Variants in NSD3 observed in about 807,000 individuals in gnomAD.
The protein encoded by NSD3 is histone-lysine N-methyltransferase NSD3.
A neutral mutation model predicts 160.8 loss-of-function variants in NSD3; 24 were observed. The observed-to-expected ratio is 0.15, with a 90% CI of 0.11 to 0.21. NSD3 has a LOEUF of 0.21. Among genes scored for constraint, NSD3 ranks in the 10% least tolerant of loss-of-function variants. NSD3 has a pLI of 1.00. For missense variants in NSD3, 1,157 were observed against 1,735.9 expected (o/e 0.67, Z 5.93); for synonymous variants, 520 against 600.0 (o/e 0.87, Z 1.95).
chr8:38,336,521 A>G (rs1017593285), intron 4 of NSD3, among the ~76,000 whole-genome samples: 3 of 152,170 alleles, frequency 2.0e-5, no homozygotes, highest in Non-Finnish European at 2.9e-5. Context: ...TAGAGGAAAA[A>G]AAAGCATCCT....
chr8:38,300,208 C>A (rs1427800363), intron 14 of NSD3, among the ~76,000 whole-genome samples: 1 of 152,088 alleles, frequency 6.6e-6, no homozygotes, highest in Admixed American at 6.6e-5. Context: ...GTCACTCAGA[C>A]TGGAGGGTAG....
At chr8:38,281,049 C>T (rs1808722253) in intron 20 of NSD3, among the ~76,000 whole-genome samples, 1 of 152,168 alleles carries the variant, frequency 6.6e-6, no homozygotes, top group Non-Finnish European at 1.5e-5. Flanking sequence ...AGCCACCATG[C>T]CCTGCCGAAA....
intron 1 of NSD3, among the ~76,000 whole-genome samples, chr8:38,356,677 T>C (rs1401831474): frequency 6.6e-6 from 1 of 152,252 alleles, no homozygotes; most frequent in Admixed American, 6.5e-5. Context: ...TAAGTCACTA[T>C]AACAAATTCA....
chr8:38,290,994 C>A (rs1344734964), intron 16 of NSD3, among the ~76,000 whole-genome samples: 2 of 151,964 alleles, frequency 1.3e-5, no homozygotes, highest in African/African-American at 4.8e-5. Flanking sequence ...TAATTTCAAT[C>A]CTAGAAAAGT....
intron 7 of NSD3, among the ~76,000 whole-genome samples, chr8:38,322,150 T>C (rs146251430): frequency 5.3e-5 from 8 of 152,360 alleles, no homozygotes; most frequent in African/African-American, 1.7e-4. Flanking sequence ...GCCTTTCATA[T>C]AACCTTTATA....
Position 38,339,724 on chromosome 8 carries a change from C to CAA in NSD3, c.676-1119_676-1118dup, listed in dbSNP as rs1232259132. 5.4e-4 allele frequency among the ~76,000 whole-genome samples: 58 copies of CAA among 107,222 alleles called. 1 individual carries two copies. Among genetic ancestry groups the CAA allele is most frequent in the African/African-American group, 1.6e-3 (47 of 28,572 alleles). 70.3% of individuals were successfully genotyped at this position (107,222 alleles called of 152,430 possible). On this transcript the variant is annotated intron_variant, in intron 2 of 23. Coordinates refer to ENST00000317025, the MANE Select transcript of NSD3 (RefSeq NM_023034.2). ...CTGGTGACAGAGCAAGACTCCATCT[C>CAA]AAAAAAAAAAAAAAGGAAAGAAAGA...
intron 22 of NSD3, among the ~76,000 whole-genome samples, 161 bp downstream of exon 22, chr8:38,278,145 A>G (rs530499604): frequency 1.1e-4 from 17 of 152,102 alleles, no homozygotes; most frequent in South Asian, 2.1e-4. Context: ...TCACCGTGTT[A>G]GCCAGGATGG....
intron 1 of NSD3, chr8:38,380,733 G>A (rs1811522294): frequency 6.6e-6 from 1 of 152,126 alleles, no homozygotes; most frequent in Non-Finnish European, 1.5e-5. Flanking sequence ...AGACGTAAGG[G>A]GAAAAGAGTT....
Position 38,286,304 on chromosome 8 carries a change from AACACACAC to A in NSD3, c.3501+2175_3501+2182del, listed in dbSNP as rs374884732. ...CTCCTGGCCAACCACATAACAAACA[AACACACAC>A]ACACACACCCCAAAACAAAAACAAC... On this transcript the variant is annotated intron_variant, in intron 19 of 23. Coordinates refer to ENST00000317025, the MANE Select transcript of NSD3 (RefSeq NM_023034.2). Among the ~76,000 whole-genome samples, 499 of 151,316 alleles carry A rather than the reference AACACACAC, an allele frequency of 3.3e-3. 1 individual carries two copies. The highest frequency in any genetic ancestry group is 6.4e-3 in the Admixed American group (97 of 15,192).
chr8:38,288,794 G>GT lies in NSD3; in HGVS notation c.3232-39dup, dbSNP rs768948397. 8.1e-6 allele frequency: 13 copies of GT among 1,600,382 alleles called. No individual in the cohort carries two copies. The African/African-American group carries it at 1.5e-4, about 18-fold the overall frequency. Reference sequence around the variant, plus strand: ...ATCGCAAGCGAGAGAGAGGCAGCAGGTAAGTCATCTGGCAATGTGAACAGG... The same window carrying GT: ...ATCGCAAGCGAGAGAGAGGCAGCAGGTTAAGTCATCTGGCAATGTGAACAGG... On this transcript the variant is annotated intron_variant, in intron 18 of 23. Transcript: ENST00000317025. The surrounding 1 kb of genome is among the most constrained non-coding windows in gnomAD (Gnocchi z 4.5).
At chr8:38,363,178 G>A (rs1468359552) in intron 1 of NSD3, among the ~76,000 whole-genome samples, 1 of 152,238 alleles carries the variant, frequency 6.6e-6, no homozygotes, top group East Asian at 1.9e-4. Context: ...CCTAGTATGT[G>A]AGGGAAGAAA....
At chr8:38,372,331 C>T (rs1013785459) in intron 1 of NSD3, among the ~76,000 whole-genome samples, 2 of 152,048 alleles carry the variant, frequency 1.3e-5, no homozygotes, top group Non-Finnish European at 2.9e-5. Context: ...TTTTGTTATT[C>T]ATCGGTAAGG....
chr8:38,349,230 C>T (rs143167499), intron 1 of NSD3, among the ~76,000 whole-genome samples: 6 of 152,206 alleles, frequency 3.9e-5, no homozygotes, highest in East Asian at 3.9e-4. Flanking sequence ...AGTAAACAAA[C>T]GTGGTATTTG....
At chr8:38,286,093 T>C (rs1443399441) in intron 19 of NSD3, among the ~76,000 whole-genome samples, 1 of 152,154 alleles carries the variant, frequency 6.6e-6, no homozygotes, top group Non-Finnish European at 1.5e-5. Context: ...GCAGGACCTG[T>C]GATTAGCTTC....
intron 12 of NSD3, among the ~76,000 whole-genome samples, chr8:38,310,758 C>A (rs1345782242): frequency 1.3e-5 from 2 of 151,804 alleles, no homozygotes; most frequent in Non-Finnish European, 2.9e-5. Flanking sequence ...GCAATCCGCT[C>A]GTCTTGGCTT....
In NSD3 at chr8:38,275,690, A is replaced by T. The variant is rs1358576957; in HGVS notation, c.4265T>A (p.Ile1422Lys). The part of the protein sequence containing the change: ...APVSPEYWSK[I>K]KCKWESQDHG... Reference sequence around the variant, plus strand: ...ATCTTGTGATTCCCATTTACATTTTATCTTGCTCCAGTATTCTGGTGACAC... The same window carrying T: ...ATCTTGTGATTCCCATTTACATTTTTTCTTGCTCCAGTATTCTGGTGACAC... The change falls in exon 24 of 24, where the codon ATA becomes AAA. Residue 1422 changes from isoleucine to lysine, a missense_variant. Physicochemically the swap from Ile to Lys is moderately radical, Grantham distance 102 (BLOSUM62 -3). Around this residue, in one of 10 missense-constraint regions of NSD3, gnomAD observed 222 missense variants for 409.9 expected, o/e 0.54. Transcript: ENST00000317025. 2 of 1,614,180 alleles carry T rather than the reference A, an allele frequency of 1.2e-6. No homozygotes were observed. Among genetic ancestry groups the T allele is most frequent in the Non-Finnish European group, 1.7e-6 (2 of 1,180,038 alleles).
chr8:38,321,010 G>C lies in NSD3; in HGVS notation c.1809+62C>G, dbSNP rs1809786271. On this transcript the variant is annotated intron_variant, in intron 8 of 23. Coordinates refer to ENST00000317025, the MANE Select transcript of NSD3 (RefSeq NM_023034.2). The surrounding 1 kb of genome is among the most constrained non-coding windows in gnomAD (Gnocchi z 4.7). ...GAAAGTTTCTCTTTCTTTTAAGACA[G>C]GAATGTAAGCCACAACATTTACAAA... is the stretch of plus-strand genomic sequence containing the variant. The C allele has an allele frequency of 6.8e-7, 1 of 1,475,868 alleles. No homozygotes were observed. The highest frequency in any genetic ancestry group is 1.4e-5 in the African/African-American group (1 of 72,034). 91.4% of individuals were successfully genotyped at this position (1,475,868 alleles called of 1,614,324 possible). A position where few individuals can be genotyped will look rare whatever the true frequency, so the allele number is the denominator to read the frequency against.
intron 12 of NSD3, among the ~76,000 whole-genome samples, chr8:38,311,536 G>A (rs985129276): frequency 6.6e-6 from 1 of 152,088 alleles, no homozygotes; most frequent in Non-Finnish European, 1.5e-5. Context: ...ATGTTGGTCA[G>A]GCTGGTCTTA....
chr8:38,331,403 A>T, intron 5 of NSD3, 28 bp downstream of exon 5: 2 of 1,550,316 alleles, frequency 1.3e-6, no homozygotes, highest in Non-Finnish European at 1.7e-6. Flanking sequence ...AAACCATACT[A>T]GGTAAATAAT....
Sources: gnomAD v4.1 joint callset for allele counts (sites outside exome capture counted in the v4.1 genomes callset) on GRCh38, gnomAD v4.1.1 for gene constraint, gnomAD v4.1.1 regional missense constraint, Gnocchi (gnomAD v3.1) non-coding constraint, MANE v1.5 for transcripts, NCBI Gene and HGNC (gene_info 2026-07-23, HGNC 2026-07-21) for gene names.